The following DISP1 variants were observed in gnomAD, a reference collection of about 807,000 sequenced individuals.
DISP1 encodes the protein protein dispatched homolog 1.
DISP1 carries 30 observed loss-of-function variants against 37.3 expected under a neutral mutation model. That is an observed-to-expected ratio of 0.80 (90% CI 0.60 to 1.09). The LOEUF (loss-of-function observed/expected upper bound fraction) is 1.09, where lower values mean the gene tolerates loss of function less well. Among genes scored for constraint, DISP1 ranks in the 50% least tolerant of loss-of-function variants. The probability of loss-of-function intolerance (pLI) is 0.00; values close to 1 mark genes in which losing one functional copy is unlikely to be tolerated. For missense variants in DISP1, 1,598 were observed against 1,879.5 expected, an observed-to-expected ratio of 0.85 and a Z score of 2.77; for synonymous variants, 634 against 690.2, an observed-to-expected ratio of 0.92 and a Z score of 1.28.
intron 8 of DISP1, among the ~76,000 whole-genome samples, chr1:223,000,619 A>G (rs1237931683): frequency 6.6e-6 from 1 of 152,230 alleles, no homozygotes. Context: ...GAGAAATAGT[A>G]TAATGGACTG....
chr1:222,858,246 G>A (rs1353016208), intron 1 of DISP1, among the ~76,000 whole-genome samples: 1 of 152,116 alleles, frequency 6.6e-6, no homozygotes, highest in Admixed American at 6.5e-5. Context: ...ATCTATACTA[G>A]CCCTAAAAGA....
intron 3 of DISP1, among the ~76,000 whole-genome samples, chr1:222,965,627 G>A (rs777086038): frequency 1.3e-5 from 2 of 151,890 alleles, no homozygotes; most frequent in South Asian, 2.1e-4. Context: ...TGTGCACTGC[G>A]ACCATTTCTG....
At chr1:222,997,175 A>G (rs1273867851) in intron 8 of DISP1, among the ~76,000 whole-genome samples, 1 of 152,100 alleles carries the variant, frequency 6.6e-6, no homozygotes. Context: ...AATAAGTTGA[A>G]TGAAATACAT....
chr1:222,856,633 A>G (rs1668561832), intron 1 of DISP1, among the ~76,000 whole-genome samples: 1 of 151,874 alleles, frequency 6.6e-6, no homozygotes, highest in African/African-American at 2.4e-5. Flanking sequence ...TACGATATCC[A>G]TTGATGGCAT....
chr1:222,956,230 A>C (rs1675583714), intron 3 of DISP1, among the ~76,000 whole-genome samples: 1 of 152,162 alleles, frequency 6.6e-6, no homozygotes, highest in Non-Finnish European at 1.5e-5. Flanking sequence ...CCTGACACTG[A>C]AAGTTTCCCT....
intron 1 of DISP1, among the ~76,000 whole-genome samples, chr1:222,898,542 A>G (rs1671403049): frequency 9.8e-6 from 1 of 101,574 alleles, no homozygotes; most frequent in Admixed American, 1.1e-4. Context: ...TGTGCCATGT[A>G]CCACTGTTTT....
At chr1:222,830,964 G>C (rs1009336989) in intron 1 of DISP1, 3 of 152,140 alleles carry the variant, frequency 2.0e-5, no homozygotes, top group Non-Finnish European at 4.4e-5. Flanking sequence ...TTAAAGAATG[G>C]TATCTAAATT....
At chr1:222,993,990 C>G (rs552118855) in intron 7 of DISP1, among the ~76,000 whole-genome samples, 1 of 152,128 alleles carries the variant, frequency 6.6e-6, no homozygotes, top group South Asian at 2.1e-4. Flanking sequence ...TTTGTTAGCA[C>G]AATTAGACAT....
chr1:222,940,198 C>T (rs553579586), intron 2 of DISP1, among the ~76,000 whole-genome samples: 1 of 152,020 alleles, frequency 6.6e-6, no homozygotes, highest in Non-Finnish European at 1.5e-5. Context: ...TTCATTGGCT[C>T]ACGATTCTGC....
chr1:222,987,632 G>T (rs939276286), intron 4 of DISP1, among the ~76,000 whole-genome samples: 2 of 152,208 alleles, frequency 1.3e-5, no homozygotes, highest in Admixed American at 1.3e-4. Flanking sequence ...TGCTATACGT[G>T]TGTGCAGATT....
intron 2 of DISP1, among the ~76,000 whole-genome samples, chr1:222,931,386 A>G (rs1673385944): frequency 6.6e-6 from 1 of 151,904 alleles, no homozygotes; most frequent in Non-Finnish European, 1.5e-5. Context: ...GATGTGTTCA[A>G]CATTTGTTAA....
At chr1:222,832,411 C>T (rs571010267) in intron 1 of DISP1, among the ~76,000 whole-genome samples, 19 of 152,192 alleles carry the variant, frequency 1.2e-4, no homozygotes, top group African/African-American at 4.6e-4. Context: ...ATGTTAAGGT[C>T]TAAGAAATTT....
intron 2 of DISP1, among the ~76,000 whole-genome samples, chr1:222,932,978 G>A (rs1246125821): frequency 1.3e-5 from 2 of 151,852 alleles, no homozygotes; most frequent in Non-Finnish European, 2.9e-5. Flanking sequence ...ATAGACCAAA[G>A]GTACATTGGA....
chr1:222,960,021 A>G (rs926380405), intron 3 of DISP1, among the ~76,000 whole-genome samples: 2 of 152,182 alleles, frequency 1.3e-5, no homozygotes, highest in Admixed American at 1.3e-4. Context: ...ACTCCCACAC[A>G]ATAATAGTGG....
At position 222,982,938 on chromosome 1, in the gene DISP1, C is replaced by CTTT. The variant is rs10626845; in HGVS notation, c.510-133_510-131dup. 6.5e-3 allele frequency: 3,855 copies of CTTT among 590,004 alleles called. 5 individuals carry two copies. Among genetic ancestry groups the CTTT allele is most frequent in the East Asian group, 0.022 (720 of 32,448 alleles). The allele number at this position is 590,004 out of a possible 1,614,324, so 36.5% of individuals were successfully genotyped here. ...GTTTAAAATCTCTCAAATAGATTGC[C>CTTT]TTTTTTTTTTTAACACTTCCAAGAT... On this transcript the variant is annotated intron_variant, in intron 3 of 8. Coordinates refer to ENST00000675850, the MANE Select transcript of DISP1 (RefSeq NM_001377229.1).
At chr1:222,926,752 T>C (rs983101359) in intron 1 of DISP1, among the ~76,000 whole-genome samples, 1 of 152,112 alleles carries the variant, frequency 6.6e-6, no homozygotes, top group African/African-American at 2.4e-5. Flanking sequence ...TAGGCAGCAC[T>C]TCAGCATTAC....
chr1:222,819,550 T>A (rs1448314848), intron 1 of DISP1, among the ~76,000 whole-genome samples: 1 of 150,772 alleles, frequency 6.6e-6, no homozygotes, highest in African/African-American at 2.4e-5. Context: ...TTTTTTTTTT[T>A]TTTTTTTGAC....
intron 1 of DISP1, among the ~76,000 whole-genome samples, chr1:222,848,333 T>C (rs922083457): frequency 2.0e-5 from 3 of 152,120 alleles, no homozygotes; most frequent in Admixed American, 6.5e-5. Flanking sequence ...TAGTATAAAA[T>C]GGTCAACACG....
intron 1 of DISP1, among the ~76,000 whole-genome samples, chr1:222,840,929 TA>T (rs1193896400): frequency 1.3e-5 from 2 of 152,160 alleles, no homozygotes; most frequent in African/African-American, 4.8e-5. Context: ...ACCATTTAGT[TA>T]AATACTATAT....
Sources: allele counts gnomAD v4.1 joint callset (sites outside exome capture counted in the v4.1 genomes callset), GRCh38; gene constraint gnomAD v4.1.1; transcripts MANE v1.5; gene names NCBI Gene and HGNC (gene_info 2026-07-23, HGNC 2026-07-21).